P3H2: variants seen among roughly 807,000 people sequenced by gnomAD.
The protein encoded by P3H2 is prolyl 3-hydroxylase 2, also known as leprecan-like 1.
P3H2 carries 80 observed loss-of-function variants against 87.0 expected under a neutral mutation model. That is an observed-to-expected ratio of 0.92 (90% CI 0.77 to 1.11). P3H2 has a LOEUF of 1.11. Ranked by LOEUF, P3H2 falls within the 50% of genes least tolerant of loss-of-function variation. The probability of loss-of-function intolerance (pLI) is 0.00; values close to 1 mark genes in which losing one functional copy is unlikely to be tolerated. For synonymous variants in P3H2, 367 were observed against 359.3 expected, an observed-to-expected ratio of 1.02 and a Z score of -0.24; for missense variants, 1,001 against 923.9, an observed-to-expected ratio of 1.08 and a Z score of -1.08.
intron 1 of P3H2, among the ~76,000 whole-genome samples, chr3:190,051,516 G>A (rs1462222248): frequency 6.6e-6 from 1 of 152,128 alleles, no homozygotes; most frequent in African/African-American, 2.4e-5. Context: ...GCTTAAAGAA[G>A]AGCCAATTTT....
chr3:190,078,254 A>G (rs1048620138), intron 1 of P3H2, among the ~76,000 whole-genome samples: 3 of 152,188 alleles, frequency 2.0e-5, no homozygotes, highest in African/African-American at 7.2e-5. Flanking sequence ...TTGTATCTTC[A>G]GTGCTTAGGA....
chr3:190,120,944 A>C, upstream of P3H2: 2 of 636,390 alleles, frequency 3.1e-6, no homozygotes, highest in Non-Finnish European at 4.9e-6. Context: ...CCCACAGCTC[A>C]CACGCTCCTC....
chr3:190,033,867 G>T (rs1199524584), intron 1 of P3H2, among the ~76,000 whole-genome samples: 5 of 152,000 alleles, frequency 3.3e-5, no homozygotes, highest in African/African-American at 1.2e-4. Context: ...TATTGCTCAG[G>T]GTAAGACAAT....
At chr3:190,024,514 G>C (rs1289035383) in intron 1 of P3H2, among the ~76,000 whole-genome samples, 1 of 117,550 alleles carries the variant, frequency 8.5e-6, no homozygotes, top group Non-Finnish European at 1.6e-5. Context: ...CTGGGCAATA[G>C]AGTGAGGTTC....
chr3:189,984,076 T>C (rs1723617678), intron 7 of P3H2, among the ~76,000 whole-genome samples: 1 of 152,054 alleles, frequency 6.6e-6, no homozygotes, highest in Admixed American at 6.6e-5. Context: ...TTAAGTATAA[T>C]AATAATAAAA....
chr3:190,012,432 C>T (rs906476003), intron 1 of P3H2, among the ~76,000 whole-genome samples: 4 of 152,136 alleles, frequency 2.6e-5, no homozygotes, highest in African/African-American at 9.7e-5. Flanking sequence ...GGATAAAGTT[C>T]AAATTCCTAA....
chr3:190,051,488 C>T (rs1725981205), intron 1 of P3H2, among the ~76,000 whole-genome samples: 1 of 152,284 alleles, frequency 6.6e-6, no homozygotes, highest in East Asian at 1.9e-4. Flanking sequence ...CATTTAGTAG[C>T]TGTAATAAGA....
intron 1 of P3H2, among the ~76,000 whole-genome samples, chr3:190,006,821 T>C (rs763890890): frequency 6.6e-6 from 1 of 152,170 alleles, no homozygotes; most frequent in Non-Finnish European, 1.5e-5. Flanking sequence ...AGATAGTGTT[T>C]TGGATAACGT....
intron 1 of P3H2, among the ~76,000 whole-genome samples, chr3:190,076,242 A>C (rs1726874376): frequency 6.6e-6 from 1 of 152,042 alleles, no homozygotes; most frequent in South Asian, 2.1e-4. Flanking sequence ...CTTAATTTTG[A>C]GATATTTATG....
chr3:190,094,412 C>T (rs1727506545), intron 1 of P3H2, among the ~76,000 whole-genome samples: 1 of 152,218 alleles, frequency 6.6e-6, no homozygotes, highest in African/African-American at 2.4e-5. Flanking sequence ...AATTCTATGA[C>T]CCTGGTTGCT....
At chr3:190,062,137 C>A (rs912549452) in intron 1 of P3H2, among the ~76,000 whole-genome samples, 15 of 152,118 alleles carry the variant, frequency 9.9e-5, no homozygotes, top group African/African-American at 3.4e-4. Flanking sequence ...CTTAATCCTT[C>A]ATCACAGTCA....
intron 1 of P3H2, among the ~76,000 whole-genome samples, chr3:190,044,217 C>A (rs1410176044): frequency 6.6e-6 from 1 of 152,170 alleles, no homozygotes; most frequent in African/African-American, 2.4e-5. Context: ...TTAGCTAATA[C>A]TTGAGCACTT....
chr3:189,957,884 A>G lies in P3H2; in HGVS notation c.*28T>C. 1 of 1,436,392 alleles carries G rather than the reference A, an allele frequency of 7.0e-7. No homozygotes were observed. The highest frequency in any genetic ancestry group is 9.8e-7 in the Non-Finnish European group (1 of 1,018,278). The allele number at this position is 1,436,392 out of a possible 1,614,324, so 89.0% of individuals were successfully genotyped here. The stretch of plus-strand genomic sequence containing the variant: ...CTCATAAGATTAACAATTTAAATAA[A>G]TATTTGATAGAACATTCTTTCTCAT... On this transcript the variant is annotated 3_prime_UTR_variant, in exon 15 of 15. Coordinates refer to ENST00000319332, the MANE Select transcript of P3H2 (RefSeq NM_018192.4).
rs1416534043 is a variant in P3H2, at chr3:189,973,911, T to G, written c.1546A>C (p.Lys516Gln). The G allele has an allele frequency of 6.2e-7, 1 of 1,612,016 alleles. No homozygotes were observed. The highest frequency in any genetic ancestry group is 1.1e-5 in the South Asian group (1 of 91,040). The change falls in exon 10 of 15, where the codon AAA (lysine) becomes CAA (glutamine). Residue 516 changes from lysine (K) to glutamine (Q), a missense_variant and splice_region_variant. By Grantham distance (53) the Lys-to-Gln change is moderately conservative. Coordinates refer to ENST00000319332, the MANE Select transcript of P3H2 (RefSeq NM_018192.4). ...CCCAAAAGAAGTTAAGACTTTACTT[T>G]GAGTGCTTTCAGGACAGTTGCACCT... ...FEGATVLKAL[K>Q]SGYEGRVPLK...
chr3:189,987,848 A>G (rs1174131554), intron 4 of P3H2, 179 bp from the exon 5 acceptor site: 5 of 686,472 alleles, frequency 7.3e-6, no homozygotes, highest in Non-Finnish European at 1.2e-5. Flanking sequence ...CATGATTTCA[A>G]GTATTCAAAA....
chr3:190,028,681 T>A (rs1397564265), intron 1 of P3H2, among the ~76,000 whole-genome samples: 1 of 152,018 alleles, frequency 6.6e-6, no homozygotes, highest in Non-Finnish European at 1.5e-5. Context: ...ATGGAGACAC[T>A]CTATGTTTTA....
chr3:189,970,840 T>C lies in P3H2; in HGVS notation c.1869A>G (p.Thr623=). ...CAGTCACAGTCTTAGCATCCATCTC[T>C]GTGAATATGAATTCTCCTCCTTCAA... is the stretch of plus-strand genomic sequence containing the variant. ...DDFEGGEFIF[T]EMDAKTVTAS... The change falls in exon 13 of 15, where the codon ACA becomes ACG. Residue 623 remains threonine (T), a synonymous_variant. Transcript: ENST00000319332. 1 of 1,589,564 alleles carries C rather than the reference T, an allele frequency of 6.3e-7. No homozygotes were observed. Among genetic ancestry groups the C allele is most frequent in the South Asian group, 1.1e-5 (1 of 90,612 alleles).
intron 1 of P3H2, among the ~76,000 whole-genome samples, chr3:190,118,683 A>T (rs796690221): frequency 1.2e-4 from 19 of 152,118 alleles, no homozygotes; most frequent in African/African-American, 4.6e-4. Flanking sequence ...AATTTCGTGC[A>T]CTCCACCAAC....
chr3:190,120,175 C>CG (rs1443462743), intron 1 of P3H2, 77 bp downstream of exon 1: 1 of 1,512,542 alleles, frequency 6.6e-7, no homozygotes, highest in African/African-American at 1.4e-5. Flanking sequence ...ACAGAGATGA[C>CG]GGGGGCAGCA....
Sources: gnomAD v4.1 joint callset for allele counts (sites outside exome capture counted in the v4.1 genomes callset) on GRCh38, gnomAD v4.1.1 for gene constraint, MANE v1.5 for transcripts, NCBI Gene and HGNC (gene_info 2026-07-23, HGNC 2026-07-21) for gene names.